The following FAM76B variants were observed in gnomAD, a reference collection of about 807,000 sequenced individuals.
FAM76B encodes protein FAM76B.
FAM76B carries 16 observed loss-of-function variants against 51.8 expected under a neutral mutation model. The ratio of observed to expected loss-of-function variants is 0.31; its 90% CI spans 0.21 to 0.47. FAM76B has a LOEUF of 0.47. Ranked by LOEUF, FAM76B falls within the 20% of genes least tolerant of loss-of-function variation. FAM76B has a pLI of 1.00. For missense variants in FAM76B, 342 were observed against 392.6 expected (o/e 0.87, Z 1.09); for synonymous variants, 166 against 129.5 (o/e 1.28, Z -1.91).
intron 9 of FAM76B, among the ~76,000 whole-genome samples, chr11:95,773,879 C>T (rs1444545658): frequency 3.3e-5 from 5 of 151,016 alleles, no homozygotes; most frequent in East Asian, 1.9e-4. Flanking sequence ...AGTGTTTTGT[C>T]GTAGGTTTGG....
chr11:95,778,122 G>A (rs1452106775), intron 8 of FAM76B, among the ~76,000 whole-genome samples: 1 of 151,452 alleles, frequency 6.6e-6, no homozygotes, highest in African/African-American at 2.4e-5. Flanking sequence ...TTAGAACTAG[G>A]ATTTGAATCT....
At chr11:95,773,825 G>A (rs149102401) in intron 9 of FAM76B, among the ~76,000 whole-genome samples, 55 of 151,364 alleles carry the variant, frequency 3.6e-4, no homozygotes, top group African/African-American at 1.3e-3. Flanking sequence ...AATATTTGGG[G>A]TATTTTGGGG....
In FAM76B at chr11:95,770,679, CA is replaced by C. The variant is rs1315238437; in HGVS notation, c.*881del. On this transcript the variant is annotated 3_prime_UTR_variant, in exon 10 of 10. Transcript: ENST00000358780. ...TCCCTTATCACACAGAAACAAATCACAAAATTTTCTACAATCTATATGCATT... is the reference window on the plus strand; with the variant it reads ...TCCCTTATCACACAGAAACAAATCACAAATTTTCTACAATCTATATGCATT... The C allele has an allele frequency of 6.6e-6, 1 of 151,646 alleles. No homozygotes were observed. The highest frequency in any genetic ancestry group is 1.5e-5 in the Non-Finnish European group (1 of 67,408). The allele number at this position is 151,646 out of a possible 1,614,324, so 9.4% of individuals were successfully genotyped here. A position where few individuals can be genotyped will look rare whatever the true frequency, so the allele number is the denominator to read the frequency against.
intron 1 of FAM76B, chr11:95,789,110 C>G: frequency 7.2e-7 from 1 of 1,386,388 alleles, no homozygotes; most frequent in Admixed American, 2.7e-5. Flanking sequence ...AGACAGGTGG[C>G]TGCCTCACTC....
At position 95,787,654 on chromosome 11, in the gene FAM76B, C is replaced by G; in HGVS notation, c.177G>C (p.Lys59Asn). ...CAAATTGCTTCACATTTTGAGCACA[C>G]TTCTTACAAATTGTGTTAGTTTTGC... Reference protein sequence around the residue: ...QESKTNTICKKCAQNVKQFGT... With the variant: ...QESKTNTICKNCAQNVKQFGT... The change falls in exon 3 of 10, where the codon AAG becomes AAC. Residue 59 changes from lysine to asparagine, a missense_variant. Lys to Asn is a moderately conservative substitution (Grantham distance 94). Around this residue, in one of 3 missense-constraint regions of FAM76B, gnomAD observed 96 missense variants for 94.7 expected, o/e 1.01. Transcript: ENST00000358780. 6.2e-7 allele frequency: 1 copy of G among 1,610,190 alleles called. No individual in the cohort carries two copies. The highest frequency in any genetic ancestry group is 8.5e-7 in the Non-Finnish European group (1 of 1,177,500).
chr11:95,787,905 C>G (rs1221284491), intron 2 of FAM76B, among the ~76,000 whole-genome samples: 1 of 152,184 alleles, frequency 6.6e-6, no homozygotes, highest in Admixed American at 6.5e-5. Flanking sequence ...AACAAAACAT[C>G]TTAATGTTTC....
rs1233062985 is a variant in FAM76B, at chr11:95,788,489, G to A, written c.152+10C>T. 1 of 1,602,904 alleles carries A rather than the reference G, an allele frequency of 6.2e-7. No individual in the cohort carries two copies. The highest frequency in any genetic ancestry group is 1.1e-5 in the South Asian group (1 of 90,874). ...GTCTTTAACAGTCAAAAACTATTCA[G>A]TATACAAACCTCTCTTGTTGAAATT... On this transcript the variant is annotated intron_variant, in intron 2 of 9. Transcript: ENST00000358780.
chr11:95,788,541 A>G lies in FAM76B; in HGVS notation c.110T>C (p.Ile37Thr), dbSNP rs1565298733. 1.2e-6 allele frequency: 2 copies of G among 1,612,924 alleles called. No individual in the cohort carries two copies. The highest frequency in any genetic ancestry group is 2.2e-5 in the East Asian group (1 of 44,832). The stretch of plus-strand genomic sequence containing the variant: ...TGATCTGCAGTAAGTACATTTTACA[A>G]TAGGATGTGCAATCCGACATTCCTG... ...LCKECRIAHP[I>T]VKCTYCRSEF... The change falls in exon 2 of 10, where the codon ATT becomes ACT. Residue 37 changes from isoleucine to threonine, a missense_variant. By Grantham distance (89) the Ile-to-Thr change is moderately conservative. Around this residue, in one of 3 missense-constraint regions of FAM76B, gnomAD observed 96 missense variants for 94.7 expected, o/e 1.01. Coordinates refer to ENST00000358780, the MANE Select transcript of FAM76B (RefSeq NM_144664.5).
At position 95,784,571 on chromosome 11, in the gene FAM76B, T is replaced by TATAC. The variant is rs1334428616; in HGVS notation, c.364-1308_364-1307insGTAT. 4.7e-5 allele frequency among the ~76,000 whole-genome samples: 7 copies of TATAC among 148,054 alleles called. No individual in the cohort carries two copies. The South Asian group carries it at 6.4e-4, about 14-fold the overall frequency. On this transcript the variant is annotated intron_variant, in intron 4 of 9. Transcript: ENST00000358780. ...AATCGACAGTGTGTGTGTGTATATA[T>TATAC]ACACACACACACACACACACAATTT...
chr11:95,786,831 T>A (rs1265836714), intron 3 of FAM76B: 1 of 152,426 alleles, frequency 6.6e-6, no homozygotes, highest in Non-Finnish European at 1.5e-5. Context: ...CAGGGCAGTT[T>A]AGAGCGTTAA....
At chr11:95,774,948 G>A (rs1480549759) in intron 9 of FAM76B, among the ~76,000 whole-genome samples, 2 of 149,518 alleles carry the variant, frequency 1.3e-5, no homozygotes, top group African/African-American at 4.9e-5. Flanking sequence ...AAAGAAGTAT[G>A]AATAATACAA....
chr11:95,784,816 T>C (rs1187200617), intron 4 of FAM76B, among the ~76,000 whole-genome samples: 1 of 152,056 alleles, frequency 6.6e-6, no homozygotes, highest in Admixed American at 6.5e-5. Context: ...CTCGATCTCC[T>C]AACCTTATGA....
intron 3 of FAM76B, 59 bp downstream of exon 3, chr11:95,787,565 C>T: frequency 3.9e-6 from 6 of 1,530,626 alleles, no homozygotes. Flanking sequence ...TTTAAAAGGT[C>T]CAGCTTTATG....
chr11:95,786,069 T>TG (rs752784769), intron 4 of FAM76B, 50 bp downstream of exon 4: 60 of 1,575,114 alleles, frequency 3.8e-5, no homozygotes, highest in Non-Finnish European at 4.9e-5. Context: ...CCAACTTGTT[T>TG]GGCATTTTAT....
chr11:95,789,697 C>G lies in FAM76B; in HGVS notation c.-219G>C. 2.0e-6 allele frequency: 1 copy of G among 499,922 alleles called. No homozygotes were observed. The allele number at this position is 499,922 out of a possible 1,614,324, so 31.0% of individuals were successfully genotyped here. A position where few individuals can be genotyped will look rare whatever the true frequency, so the allele number is the denominator to read the frequency against. ...CCCCAGCCCACCCAGTGACGCCGTG[C>G]CAGCCGCTCCCGCTTAGGCCCCGAT... On this transcript the variant is annotated 5_prime_UTR_variant, in exon 1 of 10. Coordinates refer to ENST00000358780, the MANE Select transcript of FAM76B (RefSeq NM_144664.5).
chr11:95,787,723 A>G (rs1354868385), intron 2 of FAM76B, 45 bp from the exon 3 acceptor site: 2 of 1,466,658 alleles, frequency 1.4e-6, no homozygotes, highest in African/African-American at 1.4e-5. Flanking sequence ...TAGCTTTCTA[A>G]AGTAATTAGC....
At chr11:95,786,413 T>C in intron 3 of FAM76B, 139 bp from the exon 4 acceptor site, 1 of 843,454 alleles carries the variant, frequency 1.2e-6, no homozygotes, top group African/African-American at 1.7e-5. Flanking sequence ...TGTTGCCCTG[T>C]CACATGCAAT....
chr11:95,771,757 C>CTTTTATA, intron 9 of FAM76B, 107 bp from the exon 10 acceptor site: 1 of 809,204 alleles, frequency 1.2e-6, no homozygotes, highest in Non-Finnish European at 1.9e-6. Flanking sequence ...AAATGTTTCA[C>CTTTTATA]TAAAGCACTA....
intron 1 of FAM76B, 47 bp downstream of exon 1, chr11:95,789,345 C>T: frequency 6.5e-7 from 1 of 1,547,770 alleles, no homozygotes; most frequent in Non-Finnish European, 8.8e-7. Context: ...CCCCCTCCGG[C>T]TACGGCCGAG....
Sources: allele counts gnomAD v4.1 joint callset (sites outside exome capture counted in the v4.1 genomes callset), GRCh38; gene constraint gnomAD v4.1.1; regional missense constraint gnomAD v4.1.1; transcripts MANE v1.5; gene names NCBI Gene and HGNC (gene_info 2026-07-23, HGNC 2026-07-21).